The following RGS6 variants were observed in gnomAD, a reference collection of about 807,000 sequenced individuals.
The protein encoded by RGS6 is regulator of G protein signaling 6.
RGS6 carries 30 observed loss-of-function variants against 78.5 expected under a neutral mutation model. The ratio of observed to expected loss-of-function variants is 0.38; its 90% CI spans 0.29 to 0.52. RGS6 has a LOEUF of 0.52. Ranked by LOEUF, RGS6 falls within the 20% of genes least tolerant of loss-of-function variation. The pLI, the probability that RGS6 is intolerant of heterozygous loss-of-function variation, is 0.85. For missense variants in RGS6, 495 were observed against 609.7 expected (o/e 0.81, Z 1.98); for synonymous variants, 206 against 206.0 (o/e 1.00, Z 0.00).
intron 2 of RGS6, among the ~76,000 whole-genome samples, chr14:72,164,209 A>G (rs1032341770): frequency 9.2e-5 from 14 of 152,128 alleles, no homozygotes; most frequent in Non-Finnish European, 2.1e-4. Context: ...GGATTTTCTT[A>G]TGACACTCAA....
intron 2 of RGS6, among the ~76,000 whole-genome samples, chr14:72,330,369 G>C (rs111591458): frequency 2.4e-3 from 358 of 152,298 alleles, no homozygotes; most frequent in African/African-American, 7.8e-3. Flanking sequence ...TCTGTCATTT[G>C]GGTGGACCTC....
chr14:72,577,393 G>A, the RGS6 span, among the ~76,000 whole-genome samples: 3 of 152,172 alleles, frequency 2.0e-5, no homozygotes, highest in Non-Finnish European at 4.4e-5. Flanking sequence ...CCAGGGTTCC[G>A]CATTCCTGCA....
At chr14:72,600,148 C>A in the RGS6 span, among the ~76,000 whole-genome samples, 10 of 152,140 alleles carry the variant, frequency 6.6e-5, no homozygotes, top group East Asian at 1.8e-3. Context: ...AGAGAGTCAA[C>A]TTGTTACTGC....
chr14:72,409,934 G>A (rs1167558273), intron 3 of RGS6, among the ~76,000 whole-genome samples: 2 of 152,256 alleles, frequency 1.3e-5, no homozygotes, highest in African/African-American at 4.8e-5. Context: ...TGTTGTATAT[G>A]TGCCACATTT....
intron 2 of RGS6, among the ~76,000 whole-genome samples, chr14:72,209,694 A>G (rs542800092): frequency 6.6e-6 from 1 of 152,298 alleles, no homozygotes; most frequent in Non-Finnish European, 1.5e-5. Context: ...CTCACTCCAG[A>G]AGGATTTTTT....
rs575469771 is a variant in RGS6 at position 72,295,087 on chromosome 14, C to T, written c.85-57008C>T. Reference sequence around the variant, plus strand: ...CGGGCGGATCACGAGGTCAGGAGATCGAGACCATCCCGGCTAAAACGGTGA... The same window carrying T: ...CGGGCGGATCACGAGGTCAGGAGATTGAGACCATCCCGGCTAAAACGGTGA... On this transcript the variant is annotated intron_variant, in intron 2 of 17. Transcript: ENST00000553525. Among the ~76,000 whole-genome samples, 139 of 151,886 alleles carry T rather than the reference C, an allele frequency of 9.2e-4. 3 individuals carry two copies. In the Middle Eastern group the frequency reaches 0.01, roughly 11 times the overall value.
In RGS6 at chr14:72,061,318, G is replaced by A. The variant is rs193130386; in HGVS notation, c.84+96443G>A. Among the ~76,000 whole-genome samples, 567 of 152,202 alleles carry A rather than the reference G, an allele frequency of 3.7e-3. 1 individual carries two copies. The highest frequency in any genetic ancestry group is 0.013 in the African/African-American group (554 of 41,506). Reference sequence around the variant, plus strand: ...TTGGTTGGGATTTTGTTGAGATAAGGGTCCGTGATTTGGCATACTCAGTGT... The same window carrying A: ...TTGGTTGGGATTTTGTTGAGATAAGAGTCCGTGATTTGGCATACTCAGTGT... On this transcript the variant is annotated intron_variant, in intron 2 of 17. Coordinates refer to ENST00000553525, the MANE Select transcript of RGS6 (RefSeq NM_001204424.2).
At chr14:72,189,983 T>C (rs2097301953) in intron 2 of RGS6, among the ~76,000 whole-genome samples, 1 of 152,170 alleles carries the variant, frequency 6.6e-6, no homozygotes, top group Non-Finnish European at 1.5e-5. Context: ...TCTCACCCCC[T>C]GCAAATATTC....
chr14:72,520,032 TC>T (rs1406771982), intron 15 of RGS6, among the ~76,000 whole-genome samples: 1 of 152,216 alleles, frequency 6.6e-6, no homozygotes, highest in East Asian at 1.9e-4. Flanking sequence ...GCCTCAAAAA[TC>T]ATCAGTACAC....
intron 1 of RGS6, among the ~76,000 whole-genome samples, chr14:71,947,448 C>T (rs2091694775): frequency 6.6e-6 from 1 of 152,126 alleles, no homozygotes; most frequent in African/African-American, 2.4e-5. Flanking sequence ...AACCCCCTCC[C>T]CCACTTAAAA....
intron 1 of RGS6, among the ~76,000 whole-genome samples, chr14:71,935,345 A>G (rs1271254237): frequency 1.3e-5 from 2 of 152,246 alleles, no homozygotes; most frequent in South Asian, 2.1e-4. Flanking sequence ...CTGTTAACAT[A>G]TCTTTAACTG....
intron 14 of RGS6, among the ~76,000 whole-genome samples, chr14:72,512,245 C>T (rs2096887506): frequency 6.6e-6 from 1 of 152,170 alleles, no homozygotes; most frequent in Non-Finnish European, 1.5e-5. Context: ...GAAGAATGAC[C>T]CAGAGTTTGG....
chr14:72,233,565 A>G (rs1208582037), intron 2 of RGS6, among the ~76,000 whole-genome samples: 1 of 152,234 alleles, frequency 6.6e-6, no homozygotes, highest in Non-Finnish European at 1.5e-5. Context: ...AACCCACATC[A>G]AAGGTTCTGG....
chr14:71,914,750 G>T, the RGS6 span, among the ~76,000 whole-genome samples: 3 of 151,788 alleles, frequency 2.0e-5, no homozygotes, highest in South Asian at 6.2e-4. Context: ...TTCTTTACGG[G>T]ACAAAAATAT....
At chr14:72,503,762 A>G (rs1055877789) in intron 13 of RGS6, among the ~76,000 whole-genome samples, 10 of 152,152 alleles carry the variant, frequency 6.6e-5, no homozygotes, top group South Asian at 6.2e-4. Context: ...GGCTGGAGTC[A>G]TACACCCATG....
intron 2 of RGS6, among the ~76,000 whole-genome samples, chr14:72,169,107 A>G (rs2096972398): frequency 6.6e-6 from 1 of 152,214 alleles, no homozygotes; most frequent in Admixed American, 6.5e-5. Flanking sequence ...AGAAGCTGTT[A>G]TTCTTTGGGT....
At chr14:72,013,462 G>T (rs1294604287) in intron 2 of RGS6, among the ~76,000 whole-genome samples, 2 of 151,782 alleles carry the variant, frequency 1.3e-5, no homozygotes, top group Admixed American at 6.6e-5. Context: ...AAATTTAAAA[G>T]GTAAATAGGA....
At chr14:71,918,791 G>C in the RGS6 span, among the ~76,000 whole-genome samples, 19 of 152,186 alleles carry the variant, frequency 1.2e-4, no homozygotes, top group Non-Finnish European at 2.1e-4. Context: ...AATTTCCTTT[G>C]GGATTAGTTT....
chr14:72,567,780 C>A (rs1309223775), downstream of RGS6, among the ~76,000 whole-genome samples: 1 of 152,216 alleles, frequency 6.6e-6, no homozygotes, highest in Non-Finnish European at 1.5e-5. Context: ...CATATCCCCT[C>A]CTGGGCCCAC....
Sources: allele counts gnomAD v4.1 joint callset (sites outside exome capture counted in the v4.1 genomes callset), GRCh38; gene constraint gnomAD v4.1.1; transcripts MANE v1.5; gene names NCBI Gene and HGNC (gene_info 2026-07-23, HGNC 2026-07-21).